FAM168B: variants seen among roughly 807,000 people sequenced by gnomAD.
FAM168B encodes the protein family with sequence similarity 168 member B, also known as myelin-associated neurite-outgrowth inhibitor.
FAM168B carries 19 observed loss-of-function variants against 21.8 expected under a neutral mutation model. The observed-to-expected ratio is 0.87, with a 90% confidence interval of 0.61 to 1.28. FAM168B has a LOEUF of 1.28. FAM168B is among the 50% of genes most tolerant of loss of function. The probability of loss-of-function intolerance (pLI) is 0.00; values close to 1 mark genes in which losing one functional copy is unlikely to be tolerated. For synonymous variants in FAM168B, 126 were observed against 104.8 expected (o/e 1.20, Z -1.24); for missense variants, 233 against 263.1 (o/e 0.89, Z 0.79).
intron 1 of FAM168B, among the ~76,000 whole-genome samples, chr2:131,090,627 A>T (rs938820908): frequency 4.6e-5 from 7 of 152,182 alleles, no homozygotes; most frequent in South Asian, 4.1e-4. Context: ...GTGCTTTGGG[A>T]GGCTGGGGCA....
rs1691701250 is a variant in FAM168B at position 131,051,905 on chromosome 2, G to A, written c.*560C>T. 1.0e-6 allele frequency: 1 copy of A among 985,318 alleles called. No individual in the cohort carries two copies. Among genetic ancestry groups the A allele is most frequent in the African/African-American group, 1.7e-5 (1 of 57,232 alleles). 61.0% of individuals were successfully genotyped at this position (985,318 alleles called of 1,614,324 possible). ...CAGGACAGTCAGTGCCAAAGAAACA[G>A]GTCGCTGAAAACTAAAATGTCCACA... On this transcript the variant is annotated 3_prime_UTR_variant, in exon 7 of 7. Coordinates refer to ENST00000389915, the MANE Select transcript of FAM168B (RefSeq NM_001009993.4).
chr2:131,055,912 G>A (rs1308712805), intron 3 of FAM168B, among the ~76,000 whole-genome samples: 1 of 152,166 alleles, frequency 6.6e-6, no homozygotes, highest in African/African-American at 2.4e-5. Flanking sequence ...GTGTTGGGGA[G>A]GAGGAAAAAA....
chr2:131,075,143 C>T (rs541112485), intron 2 of FAM168B, among the ~76,000 whole-genome samples: 1 of 152,018 alleles, frequency 6.6e-6, no homozygotes, highest in African/African-American at 2.4e-5. Flanking sequence ...AAGACCAGGA[C>T]AGCAGTTCTG....
intron 1 of FAM168B, among the ~76,000 whole-genome samples, chr2:131,088,965 CTTTTT>C (rs34730768): frequency 7.1e-6 from 1 of 139,972 alleles, no homozygotes; most frequent in Non-Finnish European, 1.6e-5. Context: ...GAGCGTACCA[CTTTTT>C]TTTTTTTTTT....
chr2:131,054,800 G>A (rs1020325519), intron 5 of FAM168B, among the ~76,000 whole-genome samples: 4 of 152,246 alleles, frequency 2.6e-5, no homozygotes, highest in South Asian at 2.1e-4. Flanking sequence ...AGTAAAGTAC[G>A]GTAGATGAAT....
intron 5 of FAM168B, among the ~76,000 whole-genome samples, chr2:131,053,237 G>A (rs1480920644): frequency 2.6e-5 from 4 of 152,214 alleles, no homozygotes; most frequent in African/African-American, 9.6e-5. Flanking sequence ...AAAGCCTTTT[G>A]TGTGTCCCCT....
chr2:131,050,598 C>A lies in FAM168B; in HGVS notation c.*1867G>T, dbSNP rs765169584. 7.4e-5 allele frequency: 73 copies of A among 985,458 alleles called. No homozygotes were observed. The highest frequency in any genetic ancestry group is 8.6e-5 in the Non-Finnish European group (71 of 829,752). 61.0% of individuals were successfully genotyped at this position (985,458 alleles called of 1,614,324 possible). ...ATAGACATCAGGAATAAAGAATCTGCTGTTTACAATGATCCATGCAAAAAT... is the reference window on the plus strand; with the variant it reads ...ATAGACATCAGGAATAAAGAATCTGATGTTTACAATGATCCATGCAAAAAT... On this transcript the variant is annotated 3_prime_UTR_variant, in exon 7 of 7. Transcript: ENST00000389915.
chr2:131,088,064 G>A (rs1473296886), intron 1 of FAM168B, among the ~76,000 whole-genome samples: 1 of 152,088 alleles, frequency 6.6e-6, no homozygotes, highest in Non-Finnish European at 1.5e-5. Context: ...TGGGCAACAT[G>A]GTGAAACCCA....
intron 3 of FAM168B, 52 bp from the exon 4 acceptor site, chr2:131,055,747 G>A: frequency 3.1e-6 from 5 of 1,591,648 alleles, no homozygotes; most frequent in Non-Finnish European, 4.3e-6. Flanking sequence ...TCCAGGCGCA[G>A]GGAGAGGACA....
intron 3 of FAM168B, among the ~76,000 whole-genome samples, chr2:131,062,675 T>C (rs937531663): frequency 6.6e-6 from 1 of 152,106 alleles, no homozygotes; most frequent in Admixed American, 6.5e-5. Context: ...CTCGAAGTCC[T>C]GATCTCAAGT....
chr2:131,066,524 A>C (rs1692567696), intron 3 of FAM168B, among the ~76,000 whole-genome samples: 1 of 152,160 alleles, frequency 6.6e-6, no homozygotes. Flanking sequence ...ATATCTAAAC[A>C]ACCTTGTGTG....
In FAM168B at chr2:131,052,356, G is replaced by A. The variant is rs1288303847; in HGVS notation, c.*109C>T. The A allele has an allele frequency of 3.0e-6, 3 of 986,188 alleles. No homozygotes were observed. The highest frequency in any genetic ancestry group is 1.1e-4 in the East Asian group (1 of 8,830). 61.1% of individuals were successfully genotyped at this position (986,188 alleles called of 1,614,324 possible). ...ATATAGTCGTGTTTAGCTAAGTGTC[G>A]AGAGCATTAAGAAGAAAGTCCTGGT... On this transcript the variant is annotated 3_prime_UTR_variant, in exon 7 of 7. Coordinates refer to ENST00000389915, the MANE Select transcript of FAM168B (RefSeq NM_001009993.4).
intron 6 of FAM168B, 21 bp from the exon 7 acceptor site, chr2:131,052,473 ACT>A: frequency 1.0e-6 from 1 of 999,582 alleles, no homozygotes; most frequent in South Asian, 4.2e-5. Flanking sequence ...GAAGACAGAC[ACT>A]CAGTCACACA....
intron 1 of FAM168B, among the ~76,000 whole-genome samples, chr2:131,088,965 CTTT>C (rs34730768): frequency 3.6e-5 from 5 of 139,920 alleles, no homozygotes; most frequent in Admixed American, 7.2e-5. Flanking sequence ...GAGCGTACCA[CTTT>C]TTTTTTTTTT....
intron 3 of FAM168B, among the ~76,000 whole-genome samples, chr2:131,065,016 ACAG>A (rs1692484093): frequency 6.6e-6 from 1 of 152,252 alleles, no homozygotes; most frequent in Non-Finnish European, 1.5e-5. Context: ...GCACAGGACA[ACAG>A]GATCGCCGCA....
chr2:131,086,782 A>ATAGTGTTCTGAGGGCTGAGAGGGGAGAGC (rs1573822542), intron 1 of FAM168B, among the ~76,000 whole-genome samples: 5 of 147,550 alleles, frequency 3.4e-5, no homozygotes, highest in South Asian at 2.1e-4. Context: ...TCACAAGAGA[A>ATAGTGTTCTGAGGGCTGAGAGGGGAGAGC]AGGCCGGGCG....
rs1367373150 is a variant in FAM168B at position 131,048,188 on chromosome 2, A to G, written c.*4277T>C. On this transcript the variant is annotated 3_prime_UTR_variant, in exon 7 of 7. Transcript: ENST00000389915. ...TTAAAAATCATTTTTAAAAAAACAA[A>G]AAGGAACCGTTTCTTCTTTAGTTAC... 11 of 1,250,554 alleles carry G rather than the reference A, an allele frequency of 8.8e-6. No homozygotes were observed. The highest frequency in any genetic ancestry group is 9.4e-6 in the Non-Finnish European group (9 of 960,204). The allele number at this position is 1,250,554 out of a possible 1,614,324, so 77.5% of individuals were successfully genotyped here. A position where few individuals can be genotyped will look rare whatever the true frequency, so the allele number is the denominator to read the frequency against.
At position 131,051,225 on chromosome 2, in the gene FAM168B, G is replaced by C. The variant is rs1691655739; in HGVS notation, c.*1240C>G. The C allele has an allele frequency of 1.0e-6, 1 of 984,868 alleles. No individual in the cohort carries two copies. Among genetic ancestry groups the C allele is most frequent in the Non-Finnish European group, 1.2e-6 (1 of 829,860 alleles). The allele number at this position is 984,868 out of a possible 1,614,324, so 61.0% of individuals were successfully genotyped here. Reference sequence around the variant, plus strand: ...GCCCCATCTCTAAGCGTCCCCTCCAGCCGGCCTCAGCAGACAAGTCACCAC... The same window carrying C: ...GCCCCATCTCTAAGCGTCCCCTCCACCCGGCCTCAGCAGACAAGTCACCAC... On this transcript the variant is annotated 3_prime_UTR_variant, in exon 7 of 7. Transcript: ENST00000389915.
chr2:131,060,201 T>C (rs1428912185), intron 3 of FAM168B, among the ~76,000 whole-genome samples: 54 of 152,148 alleles, frequency 3.5e-4, no homozygotes, highest in Admixed American at 3.4e-3. Context: ...AATTTTTGTA[T>C]TTTTAGTAGA....
Sources: allele counts gnomAD v4.1 joint callset (sites outside exome capture counted in the v4.1 genomes callset), GRCh38; gene constraint gnomAD v4.1.1; transcripts MANE v1.5; gene names NCBI Gene and HGNC (gene_info 2026-07-23, HGNC 2026-07-21).